AGBL3: variants seen among roughly 807,000 people sequenced by gnomAD.
AGBL3 encodes the protein AGBL carboxypeptidase 3.
In AGBL3, 68 loss-of-function variants were observed where a neutral mutation model predicts 94.5. The ratio of observed to expected loss-of-function variants is 0.72; its 90% CI spans 0.59 to 0.88. The LOEUF is 0.88. Ranked by LOEUF, AGBL3 falls within the 40% of genes least tolerant of loss-of-function variation. The pLI is 0.00. For missense variants in AGBL3, 934 were observed against 1,103.8 expected, an observed-to-expected ratio of 0.85 and a Z score of 2.18; for synonymous variants, 354 against 370.7, an observed-to-expected ratio of 0.95 and a Z score of 0.52.
chr7:135,069,520 A>T (rs1486613120), intron 12 of AGBL3, among the ~76,000 whole-genome samples: 1 of 152,214 alleles, frequency 6.6e-6, no homozygotes, highest in Non-Finnish European at 1.5e-5. Context: ...ATGATAACAA[A>T]CTGTCTCTCA....
At chr7:135,018,093 G>A (rs1010582088) in intron 5 of AGBL3, among the ~76,000 whole-genome samples, 15 of 152,242 alleles carry the variant, frequency 9.9e-5, no homozygotes, top group African/African-American at 3.4e-4. Context: ...ATTTTAAAAA[G>A]GGTAGACAGA....
chr7:134,998,453 G>A (rs1345688229), intron 4 of AGBL3, among the ~76,000 whole-genome samples: 1 of 151,860 alleles, frequency 6.6e-6, no homozygotes, highest in African/African-American at 2.4e-5. Context: ...ATTTATTCCT[G>A]TGCCTTGGCT....
At chr7:135,021,841 C>T (rs1423885137) in intron 5 of AGBL3, among the ~76,000 whole-genome samples, 2 of 152,010 alleles carry the variant, frequency 1.3e-5, no homozygotes, top group African/African-American at 2.4e-5. Context: ...TGAGAGGCCC[C>T]GGTATGTGTT....
rs539403923 is a variant in AGBL3, at chr7:135,118,381, A to G, written c.2342+2770A>G. Among the ~76,000 whole-genome samples, 7 of 152,272 alleles carry G rather than the reference A, an allele frequency of 4.6e-5. No individual in the cohort carries two copies. In the East Asian group the frequency reaches 1.2e-3, roughly 25 times the overall value. On this transcript the variant is annotated intron_variant, in intron 16 of 16. Transcript: ENST00000436302. ...TCACCTAGACCCCACCCCAATCTCA[A>G]TGGAGGCTACATATGGAGATGAACC... is the stretch of plus-strand genomic sequence containing the variant.
intron 4 of AGBL3, chr7:135,010,739 A>T (rs1813041894): frequency 6.6e-6 from 1 of 152,216 alleles, no homozygotes; most frequent in South Asian, 2.1e-4. Flanking sequence ...TTCAAATAAA[A>T]TTAAAAACCA....
At chr7:134,988,353 T>G in intron 2 of AGBL3, 1 of 193,518 alleles carries the variant, frequency 5.2e-6, no homozygotes, top group Middle Eastern at 2.2e-3. Context: ...GTATGAATCA[T>G]AGTAGAACCA....
intron 5 of AGBL3, among the ~76,000 whole-genome samples, chr7:135,022,869 G>A (rs1814659948): frequency 6.6e-6 from 1 of 151,974 alleles, no homozygotes; most frequent in South Asian, 2.1e-4. Flanking sequence ...TGGATTAATA[G>A]CTACCATCTT....
At chr7:135,060,907 T>C (rs1294441457) in intron 12 of AGBL3, among the ~76,000 whole-genome samples, 3 of 152,164 alleles carry the variant, frequency 2.0e-5, no homozygotes, top group African/African-American at 4.8e-5. Context: ...CTGTAAGATA[T>C]AGACTCAGTA....
At chr7:135,103,839 T>C (rs1343603738) in intron 15 of AGBL3, among the ~76,000 whole-genome samples, 2 of 152,154 alleles carry the variant, frequency 1.3e-5, no homozygotes, top group Non-Finnish European at 2.9e-5. Flanking sequence ...ATTTTCTCCA[T>C]TCCTTGTGTT....
At chr7:135,057,120 A>G (rs1280098972) in intron 11 of AGBL3, among the ~76,000 whole-genome samples, 1 of 152,106 alleles carries the variant, frequency 6.6e-6, no homozygotes, top group Non-Finnish European at 1.5e-5. Flanking sequence ...ATGGTGTTTG[A>G]AAAAAGAGCA....
chr7:135,031,077 T>C (rs1815688708), intron 5 of AGBL3, among the ~76,000 whole-genome samples: 1 of 152,092 alleles, frequency 6.6e-6, no homozygotes, highest in East Asian at 1.9e-4. Flanking sequence ...ATTTTTTGTC[T>C]TTGAATATAT....
At chr7:135,086,147 G>A (rs1279670502) in intron 15 of AGBL3, among the ~76,000 whole-genome samples, 1 of 151,806 alleles carries the variant, frequency 6.6e-6, no homozygotes, top group African/African-American at 2.4e-5. Context: ...TATTCTTGGG[G>A]TATAGAAATA....
chr7:135,047,372 C>T (rs1186066115), intron 11 of AGBL3, among the ~76,000 whole-genome samples: 1 of 152,102 alleles, frequency 6.6e-6, no homozygotes, highest in Non-Finnish European at 1.5e-5. Flanking sequence ...GTCTAGATTT[C>T]GGTTCTTTTG....
chr7:135,072,417 T>C (rs2116793267), intron 12 of AGBL3, among the ~76,000 whole-genome samples: 1 of 152,314 alleles, frequency 6.6e-6, no homozygotes, highest in Admixed American at 6.5e-5. Flanking sequence ...TTACTGGGTA[T>C]ATACCCAGAG....
chr7:135,001,552 G>C (rs1221806235), intron 4 of AGBL3, among the ~76,000 whole-genome samples: 1 of 152,192 alleles, frequency 6.6e-6, no homozygotes, highest in African/African-American at 2.4e-5. Flanking sequence ...GGGTATGCCA[G>C]GAGCTCCCAT....
rs199618779 is a variant in AGBL3 at position 135,096,742 on chromosome 7, T to A, written c.2110+14952T>A. Among the ~76,000 whole-genome samples, 301 of 101,112 alleles carry A rather than the reference T, an allele frequency of 3.0e-3. 2 individuals are homozygous for A. Among genetic ancestry groups the A allele is most frequent in the East Asian group, 0.012 (41 of 3,424 alleles). The allele number at this position is 101,112 out of a possible 152,430, so 66.3% of individuals were successfully genotyped here. On this transcript the variant is annotated intron_variant, in intron 15 of 16. Coordinates refer to ENST00000436302, the MANE Select transcript of AGBL3 (RefSeq NM_178563.4). The stretch of plus-strand genomic sequence containing the variant: ...AAAGAGAAGAAAGAAAGAGAAAGAA[T>A]GAAAGAAAGAAAGAAAGAAAGAAAG...
At chr7:135,104,509 C>G (rs773365276) in intron 15 of AGBL3, among the ~76,000 whole-genome samples, 1 of 151,878 alleles carries the variant, frequency 6.6e-6, no homozygotes, top group Non-Finnish European at 1.5e-5. Context: ...CACCATACTG[C>G]TTTCTATAAT....
chr7:134,995,849 A>G (rs1043154402), intron 4 of AGBL3, among the ~76,000 whole-genome samples: 1 of 152,110 alleles, frequency 6.6e-6, no homozygotes, highest in Non-Finnish European at 1.5e-5. Context: ...GTGCCCCTGA[A>G]ATTTTTGCAA....
chr7:135,016,462 G>T (rs557037612), intron 4 of AGBL3, among the ~76,000 whole-genome samples: 1 of 152,014 alleles, frequency 6.6e-6, no homozygotes, highest in South Asian at 2.1e-4. Context: ...AATAACTAGG[G>T]TAGTTAGGCT....
Sources: allele counts gnomAD v4.1 joint callset (sites outside exome capture counted in the v4.1 genomes callset), GRCh38; gene constraint gnomAD v4.1.1; transcripts MANE v1.5; gene names NCBI Gene and HGNC (gene_info 2026-07-23, HGNC 2026-07-21).